The following DMD variants were observed in gnomAD, a reference collection of about 807,000 sequenced individuals.
DMD encodes mutant dystrophin.
A neutral mutation model predicts 330.1 loss-of-function variants in DMD; 63 were observed. That is an observed-to-expected ratio of 0.19 (90% confidence interval 0.16 to 0.24). The LOEUF (loss-of-function observed/expected upper bound fraction) is 0.24. Ranked by LOEUF, DMD falls within the 10% of genes least tolerant of loss-of-function variation. The pLI is 1.00. For missense variants in DMD, 3,344 were observed against 2,684.1 expected (o/e 1.25, Z -5.43); for synonymous variants, 1,223 against 959.8 (o/e 1.27, Z -5.07).
chrX:31,511,235 T>TATATAATATAATATAATATA (rs780455382), intron 55 of DMD, among the ~76,000 whole-genome samples: 3,334 of 102,416 alleles, frequency 0.033, 128 homozygotes, highest in East Asian at 0.098. Context: ...ATATACATTA[T>TATATAATATAATATAATATA]ACATAATATA....
intron 30 of DMD, among the ~76,000 whole-genome samples, chrX:32,400,728 T>C (rs1284054696): frequency 9.2e-6 from 1 of 108,811 alleles, no homozygotes; most frequent in African/African-American, 3.4e-5. Flanking sequence ...TTTACACTGT[T>C]GGTGGGACTG....
chrX:31,127,749 C>T (rs1826084836), intron 77 of DMD, among the ~76,000 whole-genome samples: 1 of 111,345 alleles, frequency 9.0e-6, no homozygotes, highest in East Asian at 2.8e-4. Context: ...TATGGAGCTA[C>T]GACACCAATA....
intron 61 of DMD, among the ~76,000 whole-genome samples, chrX:31,326,618 C>T (rs929658501): frequency 3.9e-5 from 4 of 102,644 alleles, no homozygotes; most frequent in African/African-American, 1.1e-4. Flanking sequence ...AGGAAAATAA[C>T]AACAGCCTCC....
At chrX:31,341,531 G>C in intron 61 of DMD, among the ~76,000 whole-genome samples, 1 of 111,752 alleles carries the variant, frequency 8.9e-6, no homozygotes, top group East Asian at 2.8e-4. Context: ...CAGAGGTGTT[G>C]AGAGAAAAAT....
intron 53 of DMD, among the ~76,000 whole-genome samples, chrX:31,671,228 C>T (rs990189873): frequency 1.8e-5 from 2 of 112,179 alleles, no homozygotes; most frequent in African/African-American, 6.5e-5. Context: ...TTCTATTCTT[C>T]ATTTGTTAAG....
At chrX:32,892,435 C>G (rs1055859943) in intron 2 of DMD, among the ~76,000 whole-genome samples, 1 of 111,670 alleles carries the variant, frequency 9.0e-6, no homozygotes, top group Admixed American at 9.5e-5. Flanking sequence ...CTCTTTTTGC[C>G]CAGGCTGGAG....
At chrX:32,963,806 T>C (rs1229176320) in intron 2 of DMD, among the ~76,000 whole-genome samples, 1 of 111,281 alleles carries the variant, frequency 9.0e-6, no homozygotes, top group Non-Finnish European at 1.9e-5. Flanking sequence ...GAGGTCAATG[T>C]AAAGGAGGCT....
chrX:33,062,855 T>C (rs182766774), intron 1 of DMD, among the ~76,000 whole-genome samples: 1 of 112,559 alleles, frequency 8.9e-6, no homozygotes, highest in East Asian at 2.8e-4. Context: ...TATGAAGCTT[T>C]AATGCACCAA....
intron 17 of DMD, 53 bp from the exon 18 acceptor site, chrX:32,518,184 T>C: frequency 8.8e-7 from 1 of 1,141,238 alleles, no homozygotes; most frequent in South Asian, 1.9e-5. Flanking sequence ...CTTTCTTCTA[T>C]ATTAAAAAAA....
intron 1 of DMD, among the ~76,000 whole-genome samples, chrX:33,267,771 C>T (rs5928217): frequency 4.6e-5 from 5 of 109,383 alleles, no homozygotes; most frequent in East Asian, 2.9e-4. Context: ...AACCAGCCTT[C>T]GACAAGGCTG....
chrX:32,707,834 A>T (rs1052734281), intron 7 of DMD, among the ~76,000 whole-genome samples: 1 of 111,919 alleles, frequency 8.9e-6, no homozygotes, highest in Non-Finnish European at 1.9e-5. Context: ...GTACTTTCTT[A>T]CAATTCTCTC....
intron 55 of DMD, among the ~76,000 whole-genome samples, chrX:31,597,109 T>C (rs1327559358): frequency 6.2e-5 from 7 of 112,533 alleles, no homozygotes; most frequent in Non-Finnish European, 1.3e-4. Context: ...TCAACAAATA[T>C]TGAGAACCTA....
chrX:32,370,058 A>G (rs1036954798), intron 34 of DMD, among the ~76,000 whole-genome samples: 1 of 111,264 alleles, frequency 9.0e-6, no homozygotes, highest in Non-Finnish European at 1.9e-5. Flanking sequence ...CACAGAGAAC[A>G]GGAGAGGGTT....
chrX:32,679,493 C>T (rs1232078028), intron 9 of DMD, among the ~76,000 whole-genome samples: 2 of 110,109 alleles, frequency 1.8e-5, no homozygotes, highest in African/African-American at 3.3e-5. Flanking sequence ...ACAAAATTGG[C>T]GAAAAATTTT....
rs1444880425 is a variant in DMD, at chrX:31,943,878, T to TGAGTGA, written c.6615-11652_6615-11651insTCACTC. On this transcript the variant is annotated intron_variant, in intron 45 of 78. Coordinates refer to ENST00000357033, the MANE Select transcript of DMD (RefSeq NM_004006.3). Reference sequence around the variant, plus strand: ...CGGAAACCCGAAGTTCCCCAGAGAGTGAGAGAGAGAGAGAGAGAGAGAGAG... The same window carrying TGAGTGA: ...CGGAAACCCGAAGTTCCCCAGAGAGTGAGTGAGAGAGAGAGAGAGAGAGAGAGAGAG... Among the ~76,000 whole-genome samples, 7 of 74,497 alleles carry TGAGTGA rather than the reference T, an allele frequency of 9.4e-5. No homozygotes were observed. In the Admixed American group the frequency reaches 1.1e-3, roughly 11 times the overall value. The allele number at this position is 74,497 out of a possible 115,157, so 64.7% of individuals were successfully genotyped here.
chrX:32,115,595 T>C (rs1278990850), intron 44 of DMD, among the ~76,000 whole-genome samples: 1 of 111,485 alleles, frequency 9.0e-6, no homozygotes, highest in Non-Finnish European at 1.9e-5. Context: ...TTCAGACTGA[T>C]CTACCCAACT....
chrX:32,184,491 T>G (rs1420810703), intron 44 of DMD, among the ~76,000 whole-genome samples: 2 of 111,253 alleles, frequency 1.8e-5, no homozygotes, highest in South Asian at 3.7e-4. Context: ...CGGAAGGAAT[T>G]GTATTATAGT....
chrX:32,723,287 C>T lies in DMD; in HGVS notation c.650-23994G>A, dbSNP rs1200476737. Among the ~76,000 whole-genome samples the T allele has an allele frequency of 2.7e-5, 3 of 111,091 alleles. No homozygotes were observed. The South Asian group carries it at 1.1e-3, about 42-fold the overall frequency. The stretch of plus-strand genomic sequence containing the variant: ...TGTCCTAGGGCTAAACCCACCTGGT[C>T]ACGGTTTATAATCCAATGTGTTATT... On this transcript the variant is annotated intron_variant, in intron 7 of 78. Transcript: ENST00000357033.
chrX:31,366,956 A>G (rs903528109), intron 60 of DMD, among the ~76,000 whole-genome samples: 78 of 110,347 alleles, frequency 7.1e-4, no homozygotes, highest in African/African-American at 2.2e-3. Context: ...TTCCTTTTCT[A>G]TGCAGCAGTC....
Sources: gnomAD v4.1 joint callset for allele counts (sites outside exome capture counted in the v4.1 genomes callset) on GRCh38, gnomAD v4.1.1 for gene constraint, MANE v1.5 for transcripts, NCBI Gene and HGNC (gene_info 2026-07-23, HGNC 2026-07-21) for gene names.